ETV3: variants seen among roughly 807,000 people sequenced by gnomAD.
The protein encoded by ETV3 is ETS translocation variant 3.
A neutral mutation model predicts 33.0 loss-of-function variants in ETV3; 8 were observed. The observed-to-expected ratio is 0.24, with a 90% CI of 0.14 to 0.44. ETV3 has a LOEUF of 0.44. ETV3 is among the 20% of genes least tolerant of loss of function. The pLI is 1.00. For synonymous variants in ETV3, 222 were observed against 238.9 expected (o/e 0.93, Z 0.65); for missense variants, 473 against 652.3 (o/e 0.73, Z 2.99).
intron 4 of ETV3, among the ~76,000 whole-genome samples, chr1:157,131,626 A>AT (rs1018836985): frequency 2.0e-5 from 3 of 152,220 alleles, no homozygotes; most frequent in African/African-American, 7.2e-5. Context: ...TGTTCAATAG[A>AT]TAACTATTCA....
chr1:157,133,264 T>C (rs984518407), intron 4 of ETV3: 5 of 258,776 alleles, frequency 1.9e-5, no homozygotes, highest in African/African-American at 1.2e-4. Flanking sequence ...CAGATACATA[T>C]GAGTGGGGTT....
intron 2 of ETV3, 142 bp downstream of exon 2, chr1:157,136,165 C>T: frequency 1.2e-6 from 1 of 812,076 alleles, no homozygotes; most frequent in African/African-American, 1.7e-5. Flanking sequence ...AGGAAACAAG[C>T]CTACAACTGT....
chr1:157,121,995 C>G lies in ETV3; in HGVS notation c.*2846G>C, dbSNP rs1416827633. The G allele has an allele frequency of 6.6e-6, 1 of 152,034 alleles. No homozygotes were observed. Among genetic ancestry groups the G allele is most frequent in the Non-Finnish European group, 1.5e-5 (1 of 68,004 alleles). The allele number at this position is 152,034 out of a possible 1,614,324, so 9.4% of individuals were successfully genotyped here. On this transcript the variant is annotated 3_prime_UTR_variant, in exon 5 of 5. Transcript: ENST00000368192. Reference sequence around the variant, plus strand: ...TATTTACTGTTTTCTTTTTCTATAGCTAAAAAAGCAAACTTTACACGAAGA... The same window carrying G: ...TATTTACTGTTTTCTTTTTCTATAGGTAAAAAAGCAAACTTTACACGAAGA...
chr1:157,125,546 T>C lies in ETV3; in HGVS notation c.834A>G (p.Pro278=). 1.3e-6 allele frequency: 2 copies of C among 1,551,902 alleles called. No individual in the cohort carries two copies. The highest frequency in any genetic ancestry group is 2.0e-5 in the Admixed American group (1 of 50,996). Residue 278 remains proline, a synonymous_variant, in exon 5 of 5, where the codon CCA becomes CCG. Coordinates refer to ENST00000368192, the MANE Select transcript of ETV3 (RefSeq NM_001145312.3). This position sits in a 1 kb window ranked among gnomAD's most constrained non-coding sequence, Gnocchi z 4.0. ...TGGTGAAAGGGCTCAGGCCTGGTGA[T>C]GGGCTATAGGAGAAGATGGTGGGAG... The part of the protein sequence containing the change: ...SLTPTIFSYS[P]SPGLSPFTSS...
intron 1 of ETV3, among the ~76,000 whole-genome samples, chr1:157,138,031 G>A (rs1407379878): frequency 6.6e-6 from 1 of 152,166 alleles, no homozygotes; most frequent in Non-Finnish European, 1.5e-5. Context: ...CCGGGTCCTG[G>A]CTTCCACAGC....
chr1:157,138,164 G>C (rs971097475), intron 1 of ETV3, among the ~76,000 whole-genome samples, 152 bp downstream of exon 1: 18 of 151,936 alleles, frequency 1.2e-4, no homozygotes, highest in Admixed American at 3.9e-4. Flanking sequence ...ACAGACACGG[G>C]ATCCCACCCT....
chr1:157,135,766 C>T, intron 2 of ETV3, 58 bp from the exon 3 acceptor site: 2 of 1,487,226 alleles, frequency 1.3e-6, no homozygotes, highest in Admixed American at 3.4e-5. Flanking sequence ...TACATACCAG[C>T]AACCCCAACT....
chr1:157,130,455 A>C (rs1674942031), intron 4 of ETV3, among the ~76,000 whole-genome samples: 1 of 152,242 alleles, frequency 6.6e-6, no homozygotes, highest in South Asian at 2.1e-4. Flanking sequence ...CACCTCCATG[A>C]AGTCACCATG....
chr1:157,132,831 G>T (rs922199895), intron 4 of ETV3, among the ~76,000 whole-genome samples: 1 of 151,904 alleles, frequency 6.6e-6, no homozygotes, highest in Non-Finnish European at 1.5e-5. Flanking sequence ...TGATAGCAGA[G>T]TCAAGCTAAA....
intron 4 of ETV3, chr1:157,133,891 GAACC>G (rs917685087): frequency 1.5e-6 from 2 of 1,377,666 alleles, no homozygotes; most frequent in Non-Finnish European, 1.9e-6. Flanking sequence ...GCAGAAAAGG[GAACC>G]AACCAAATAA....
rs1675014953 is a variant in ETV3 at position 157,133,278 on chromosome 1, G to A, written c.400+834C>T. ...ACAGATACATATGAGTGGGGTTAAG[G>A]GAAGAAAAAACATCATATATATGAA... is the stretch of plus-strand genomic sequence containing the variant. On this transcript the variant is annotated intron_variant, in intron 4 of 4. Coordinates refer to ENST00000368192, the MANE Select transcript of ETV3 (RefSeq NM_001145312.3). 4 of 415,776 alleles carry A rather than the reference G, an allele frequency of 9.6e-6. No individual in the cohort carries two copies. In the South Asian group the frequency reaches 3.0e-4, roughly 31 times the overall value. 25.8% of individuals were successfully genotyped at this position (415,776 alleles called of 1,614,324 possible). A position where few individuals can be genotyped will look rare whatever the true frequency, so the allele number is the denominator to read the frequency against.
rs759183529 is a variant in ETV3 at position 157,125,999 on chromosome 1, A to G, written c.401-20T>C. 67 of 1,518,298 alleles carry G rather than the reference A, an allele frequency of 4.4e-5. No individual in the cohort carries two copies. Among genetic ancestry groups the G allele is most frequent in the Non-Finnish European group, 5.7e-5 (65 of 1,133,496 alleles). The allele number at this position is 1,518,298 out of a possible 1,614,324, so 94.1% of individuals were successfully genotyped here. A position where few individuals can be genotyped will look rare whatever the true frequency, so the allele number is the denominator to read the frequency against. On this transcript the variant is annotated intron_variant, in intron 4 of 4. Transcript: ENST00000368192. The surrounding 1 kb of genome is among the most constrained non-coding windows in gnomAD (Gnocchi z 4.0). ...CCACACCTGTGATGGTGGAAAATAC[A>G]AAAGCCTGCATCAGAGGACTGCTCA...
chr1:157,136,123 G>A (rs947990319), intron 2 of ETV3, among the ~76,000 whole-genome samples, 184 bp downstream of exon 2: 1 of 152,204 alleles, frequency 6.6e-6, no homozygotes, highest in South Asian at 2.1e-4. Context: ...GGATATGGGT[G>A]TGGTGACCAG....
chr1:157,130,276 AG>A (rs768298415), intron 4 of ETV3, among the ~76,000 whole-genome samples: 3 of 152,216 alleles, frequency 2.0e-5, no homozygotes, highest in African/African-American at 7.2e-5. Flanking sequence ...ATGGGAGGTG[AG>A]ACTAGAAGCA....
intron 4 of ETV3, among the ~76,000 whole-genome samples, chr1:157,128,004 A>C (rs533495359): frequency 4.6e-4 from 70 of 152,340 alleles, no homozygotes; most frequent in Non-Finnish European, 8.5e-4. Flanking sequence ...GCAAAGGTGA[A>C]GAAAGAACAA....
In ETV3 at chr1:157,135,686, G is replaced by A; in HGVS notation, c.69C>T (p.Ala23=). ...GGGGYQFPDW[A]YKTESSPGSR... ...AGCCTGGGGATGACTCTGTTTTGTA[G>A]GCCCAGTCAGGAAACTGATACCCTT... The change falls in exon 3 of 5, where the codon GCC becomes GCT. Residue 23 remains alanine (A), a synonymous_variant. Transcript: ENST00000368192. 6.2e-7 allele frequency: 1 copy of A among 1,614,194 alleles called. No individual in the cohort carries two copies. Among genetic ancestry groups the A allele is most frequent in the Non-Finnish European group, 8.5e-7 (1 of 1,180,042 alleles).
In ETV3 at chr1:157,124,070, A is replaced by G. The variant is rs1315698303; in HGVS notation, c.*771T>C. The G allele has an allele frequency of 2.0e-5, 3 of 152,146 alleles. No homozygotes were observed. The highest frequency in any genetic ancestry group is 4.4e-5 in the Non-Finnish European group (3 of 68,024). 9.4% of individuals were successfully genotyped at this position (152,146 alleles called of 1,614,324 possible). On this transcript the variant is annotated 3_prime_UTR_variant, in exon 5 of 5. Coordinates refer to ENST00000368192, the MANE Select transcript of ETV3 (RefSeq NM_001145312.3). ...GGCTTCTTAATAGGTGAAGTAGGTGAAAAGTCTGAGAAGCTCACAGCAGGG... is the reference window on the plus strand; with the variant it reads ...GGCTTCTTAATAGGTGAAGTAGGTGGAAAGTCTGAGAAGCTCACAGCAGGG...
chr1:157,125,755 C>A lies in ETV3; in HGVS notation c.625G>T (p.Val209Leu). The A allele has an allele frequency of 6.4e-7, 1 of 1,551,592 alleles. No individual in the cohort carries two copies. The change falls in exon 5 of 5, where the codon GTG becomes TTG. Residue 209 changes from valine to leucine, a missense_variant. Transcript: ENST00000368192. The surrounding 1 kb of genome is among the most constrained non-coding windows in gnomAD (Gnocchi z 4.0). The stretch of plus-strand genomic sequence containing the variant: ...CCACCAATGGCATTCCTGGAGGACA[C>A]GGGATCCACACCCCGGCGCCAGTCA... ...AADWRRGVDP[V>L]SSRNAIGGGG...
rs62640944 is a variant in ETV3 at position 157,124,922 on chromosome 1, G to A, written c.1458C>T (p.Ala486=). 5.9e-3 allele frequency: 9,232 copies of A among 1,551,706 alleles called. 76 individuals are homozygous for A. The highest frequency in any genetic ancestry group is 0.038 in the African/African-American group (2,786 of 73,138). ...LKRRWNDDPE[A]RELSKSGKFL... Reference sequence around the variant, plus strand: ...ACTTGCCACTCTTGCTCAGCTCTCGGGCTTCAGGGTCATCATTCCAGCGCC... The same window carrying A: ...ACTTGCCACTCTTGCTCAGCTCTCGAGCTTCAGGGTCATCATTCCAGCGCC... Residue 486 remains alanine (A), a synonymous_variant, in exon 5 of 5, where the codon GCC becomes GCT. Coordinates refer to ENST00000368192, the MANE Select transcript of ETV3 (RefSeq NM_001145312.3).
Sources: allele counts gnomAD v4.1 joint callset (sites outside exome capture counted in the v4.1 genomes callset), GRCh38; gene constraint gnomAD v4.1.1; non-coding constraint Gnocchi (gnomAD v3.1); transcripts MANE v1.5; gene names NCBI Gene and HGNC (gene_info 2026-07-23, HGNC 2026-07-21).